TCTN2: variants seen among roughly 807,000 people sequenced by gnomAD.
The protein encoded by TCTN2 is tectonic family member 2, also known as tectonic-2.
A neutral mutation model predicts 83.4 loss-of-function variants in TCTN2; 66 were observed. That is an observed-to-expected ratio of 0.79 (90% CI 0.65 to 0.97). The LOEUF is 0.97. Ranked by LOEUF, TCTN2 falls within the 50% of genes least tolerant of loss-of-function variation. The pLI is 0.00. For missense variants in TCTN2, 794 were observed against 858.1 expected, an observed-to-expected ratio of 0.93 and a Z score of 0.93; for synonymous variants, 301 against 326.7, an observed-to-expected ratio of 0.92 and a Z score of 0.85.
chr12:123,696,142 C>A (rs940709678), intron 11 of TCTN2: 4 of 411,282 alleles, frequency 9.7e-6, no homozygotes, highest in African/African-American at 8.2e-5. Flanking sequence ...CTACGCCTGG[C>A]CGACATGGTA....
chr12:123,707,740 A>T lies in TCTN2; in HGVS notation c.*27A>T, dbSNP rs766893144. On this transcript the variant is annotated 3_prime_UTR_variant, in exon 18 of 18. Transcript: ENST00000303372. ...CAACCACCTGGCTTTTATTTTTTTG[A>T]GATGGAGTTTTGCTCTTGTTGCCCA... 1.3e-6 allele frequency: 2 copies of T among 1,583,750 alleles called. No homozygotes were observed. Among genetic ancestry groups the T allele is most frequent in the Admixed American group, 3.3e-5 (2 of 59,914 alleles).
At chr12:123,692,619 G>A in intron 8 of TCTN2, 39 bp from the exon 9 acceptor site, 1 of 1,473,720 alleles carries the variant, frequency 6.8e-7, no homozygotes, top group Non-Finnish European at 9.5e-7. Flanking sequence ...GGTAGGCCAT[G>A]TGTACGCCTG....
At chr12:123,702,007 T>C (rs1956178672) in intron 14 of TCTN2, among the ~76,000 whole-genome samples, 1 of 152,180 alleles carries the variant, frequency 6.6e-6, no homozygotes, top group African/African-American at 2.4e-5. Flanking sequence ...TCGGGTTATG[T>C]TGGAGAGGCC....
At chr12:123,690,091 C>A (rs944171269) in intron 7 of TCTN2, among the ~76,000 whole-genome samples, 4 of 152,200 alleles carry the variant, frequency 2.6e-5, no homozygotes, top group African/African-American at 9.6e-5. Context: ...TGAGCCACTG[C>A]TCCCAACCTG....
chr12:123,675,283 G>C (rs1339026775), intron 4 of TCTN2, among the ~76,000 whole-genome samples: 2 of 152,128 alleles, frequency 1.3e-5, no homozygotes, highest in Admixed American at 6.6e-5. Context: ...CATGATGTTA[G>C]TGTTCTTAAA....
chr12:123,695,539 A>T, intron 11 of TCTN2: 1 of 391,618 alleles, frequency 2.6e-6, no homozygotes, highest in Non-Finnish European at 4.6e-6. Flanking sequence ...TTCTTGCCTC[A>T]GCCTCCTGAG....
At chr12:123,679,873 G>A (rs1319788416) in intron 5 of TCTN2, among the ~76,000 whole-genome samples, 2 of 150,678 alleles carry the variant, frequency 1.3e-5, no homozygotes, top group South Asian at 4.2e-4. Context: ...CTGAGTAGCT[G>A]GGACTACAGG....
At chr12:123,680,164 C>A (rs1593839019) in intron 5 of TCTN2, among the ~76,000 whole-genome samples, 2 of 151,898 alleles carry the variant, frequency 1.3e-5, no homozygotes, top group African/African-American at 4.8e-5. Flanking sequence ...ACCAGCCTGA[C>A]CAACATGGAG....
chr12:123,690,404 C>A, intron 7 of TCTN2, 129 bp from the exon 8 acceptor site: 1 of 1,304,386 alleles, frequency 7.7e-7, no homozygotes. Flanking sequence ...AGTCGGTGAA[C>A]TTGCCGTTGC....
At chr12:123,672,184 G>A (rs767554875) in intron 3 of TCTN2, 52 bp downstream of exon 3, 4 of 1,492,080 alleles carry the variant, frequency 2.7e-6, no homozygotes, top group African/African-American at 1.4e-5. Context: ...CCCCCAGCTA[G>A]GGTTTCTGCA....
Position 123,673,696 on chromosome 12 carries a change from C to G in TCTN2, c.349C>G (p.Pro117Ala), listed in dbSNP as rs148783076. ...TGAGACAGATTCCTTCTCAGAGTCCCCCTGTATCCTCCAGACCCTTCTGGT... is the reference window on the plus strand; with the variant it reads ...TGAGACAGATTCCTTCTCAGAGTCCGCCTGTATCCTCCAGACCCTTCTGGT... ...SNETDSFSES[P>A]CILQTLLVSA... Residue 117 changes from proline to alanine, a missense_variant, in exon 4 of 18, where the codon CCC (proline) becomes GCC (alanine). Transcript: ENST00000303372. 7.4e-6 allele frequency: 12 copies of G among 1,614,192 alleles called. No homozygotes were observed. The highest frequency in any genetic ancestry group is 1.0e-5 in the Non-Finnish European group (12 of 1,180,028).
chr12:123,698,118 C>T (rs573890249), intron 13 of TCTN2, among the ~76,000 whole-genome samples: 8 of 152,166 alleles, frequency 5.3e-5, no homozygotes, highest in African/African-American at 1.9e-4. Context: ...TCTCAGCTCA[C>T]TGCAGCCTCT....
rs759635323 is a variant in TCTN2 at position 123,699,755 on chromosome 12, A to G, written c.1557A>G (p.Ala519=). The G allele has an allele frequency of 6.2e-6, 10 of 1,614,208 alleles. No individual in the cohort carries two copies. In the South Asian group the frequency reaches 9.9e-5, roughly 16 times the overall value. Residue 519 remains alanine, a synonymous_variant, in exon 14 of 18, where the codon GCA becomes GCG. Coordinates refer to ENST00000303372, the MANE Select transcript of TCTN2 (RefSeq NM_024809.5). ...CATTAATACAAGCGACTCACGTTGC[A>G]ATGAGAGGCAACTCCGATTACGCTG... ...LDSLIQATHV[A]MRGNSDYADL... is the part of the protein sequence containing the mutation.
chr12:123,694,783 GT>G, intron 9 of TCTN2, 58 bp from the exon 10 acceptor site: 1 of 1,589,052 alleles, frequency 6.3e-7, no homozygotes, highest in African/African-American at 1.3e-5. Flanking sequence ...GAACCTCCCA[GT>G]AACAGAGTCA....
intron 17 of TCTN2, 41 bp downstream of exon 17, chr12:123,707,114 A>C (rs1441458447): frequency 1.9e-6 from 3 of 1,559,448 alleles, no homozygotes; most frequent in Non-Finnish European, 2.6e-6. Context: ...ATGTTATGTC[A>C]ATTTAAAAAA....
chr12:123,691,628 G>A (rs542759746), intron 8 of TCTN2, among the ~76,000 whole-genome samples: 7 of 152,182 alleles, frequency 4.6e-5, no homozygotes, highest in East Asian at 1.9e-4. Flanking sequence ...AAGTTTTTGC[G>A]TAGATGTGTG....
intron 7 of TCTN2, 36 bp downstream of exon 7, chr12:123,688,213 C>CTTTTTT (rs58689399): frequency 2.2e-6 from 3 of 1,349,750 alleles, no homozygotes; most frequent in Non-Finnish European, 3.0e-6. Flanking sequence ...AGACCGTTCT[C>CTTTTTT]TTTTTTTTTT....
intron 8 of TCTN2, 107 bp from the exon 9 acceptor site, chr12:123,692,550 TG>T: frequency 1.1e-6 from 1 of 873,340 alleles, no homozygotes; most frequent in Non-Finnish European, 1.9e-6. Flanking sequence ...GTCAGCACCC[TG>T]GGCAGTTGCG....
intron 9 of TCTN2, among the ~76,000 whole-genome samples, chr12:123,693,178 C>T (rs1184519125): frequency 1.3e-5 from 2 of 151,262 alleles, no homozygotes; most frequent in African/African-American, 2.4e-5. Context: ...AGTCACCCGC[C>T]ACCACACCCA....
Sources: gnomAD v4.1 joint callset for allele counts (sites outside exome capture counted in the v4.1 genomes callset) on GRCh38, gnomAD v4.1.1 for gene constraint, MANE v1.5 for transcripts, NCBI Gene and HGNC (gene_info 2026-07-23, HGNC 2026-07-21) for gene names.